The following BBS9 variants were observed in gnomAD, a reference collection of about 807,000 sequenced individuals.
The protein encoded by BBS9 is Bardet-Biedl syndrome 9, also known as protein PTHB1.
Under a neutral mutation model 117.7 loss-of-function variants are expected in BBS9, and 89 were observed. The observed-to-expected ratio is 0.76, with a 90% CI of 0.64 to 0.90. The LOEUF (loss-of-function observed/expected upper bound fraction) is 0.90. Among genes scored for constraint, BBS9 ranks in the 40% least tolerant of loss-of-function variants. The probability of loss-of-function intolerance (pLI) is 0.00; values close to 1 mark genes in which losing one functional copy is unlikely to be tolerated. For synonymous variants in BBS9, 379 were observed against 370.9 expected (o/e 1.02, Z -0.25); for missense variants, 982 against 1,042.2 (o/e 0.94, Z 0.80).
At chr7:33,614,948 AC>A (rs1205313731) in intron 21 of BBS9, among the ~76,000 whole-genome samples, 1 of 152,082 alleles carries the variant, frequency 6.6e-6, no homozygotes, top group Non-Finnish European at 1.5e-5. Context: ...AGCCTAACCA[AC>A]GTGAAAGACG....
chr7:33,548,538 C>T (rs1454136667), intron 21 of BBS9, among the ~76,000 whole-genome samples: 2 of 142,524 alleles, frequency 1.4e-5, no homozygotes, highest in Non-Finnish European at 3.0e-5. Flanking sequence ...TGATATTCCC[C>T]TTCCTGTGTC....
intron 5 of BBS9, among the ~76,000 whole-genome samples, chr7:33,222,819 G>T (rs1790508432): frequency 6.6e-6 from 1 of 151,862 alleles, no homozygotes; most frequent in Admixed American, 6.6e-5. Flanking sequence ...AGGGCGTAGT[G>T]GTGCATGCCT....
intron 9 of BBS9, among the ~76,000 whole-genome samples, chr7:33,283,331 C>T (rs1430832499): frequency 6.6e-6 from 1 of 152,186 alleles, no homozygotes; most frequent in Admixed American, 6.5e-5. Context: ...ATTACTTTTT[C>T]TGTCTGGATG....
At chr7:33,339,514 T>C (rs1355922131) in intron 10 of BBS9, among the ~76,000 whole-genome samples, 1 of 152,234 alleles carries the variant, frequency 6.6e-6, no homozygotes, top group African/African-American at 2.4e-5. Context: ...GAATGCCTGA[T>C]AGCAGTTGTA....
chr7:33,324,997 G>T (rs960490033), intron 9 of BBS9, among the ~76,000 whole-genome samples: 2 of 152,092 alleles, frequency 1.3e-5, no homozygotes, highest in Non-Finnish European at 2.9e-5. Flanking sequence ...TAACCTCCTT[G>T]TACTTGAATA....
At chr7:33,381,864 G>T (rs1043169361) in intron 17 of BBS9, among the ~76,000 whole-genome samples, 1 of 152,182 alleles carries the variant, frequency 6.6e-6, no homozygotes, top group Non-Finnish European at 1.5e-5. Context: ...GAAAGGGAAT[G>T]ACTAGGGATG....
chr7:33,450,574 G>A (rs1563193450), intron 19 of BBS9, among the ~76,000 whole-genome samples: 1 of 152,156 alleles, frequency 6.6e-6, no homozygotes, highest in Non-Finnish European at 1.5e-5. Context: ...CCTAATGGGG[G>A]TGAGGTGATA....
chr7:33,427,812 CT>C (rs1241534845), intron 19 of BBS9, among the ~76,000 whole-genome samples: 1 of 152,096 alleles, frequency 6.6e-6, no homozygotes, highest in African/African-American at 2.4e-5. Context: ...GGAGTGCTTA[CT>C]AAACACCAGC....
chr7:33,251,567 AG>A (rs1796229680), intron 5 of BBS9, among the ~76,000 whole-genome samples: 1 of 152,254 alleles, frequency 6.6e-6, no homozygotes, highest in Non-Finnish European at 1.5e-5. Context: ...TGTAAACAAA[AG>A]CAAGGAAGCA....
chr7:33,582,688 G>A (rs1463011072), intron 21 of BBS9, among the ~76,000 whole-genome samples: 1 of 152,020 alleles, frequency 6.6e-6, no homozygotes, highest in East Asian at 1.9e-4. Context: ...ATTTAGTTAG[G>A]AACATCTTAA....
intron 9 of BBS9, among the ~76,000 whole-genome samples, chr7:33,315,003 CAAT>C (rs1467234230): frequency 2.0e-5 from 3 of 152,180 alleles, no homozygotes; most frequent in Admixed American, 6.5e-5. Context: ...TAGCTTACAA[CAAT>C]GATTTATTTA....
intron 19 of BBS9, among the ~76,000 whole-genome samples, chr7:33,411,009 G>GT (rs1491287081): frequency 2.1e-4 from 19 of 91,570 alleles, no homozygotes; most frequent in Admixed American, 9.0e-4. Flanking sequence ...TAAAATGTTG[G>GT]TGTTTTTTTT....
intron 5 of BBS9, among the ~76,000 whole-genome samples, chr7:33,198,618 A>G (rs896834484): frequency 2.0e-5 from 3 of 152,000 alleles, no homozygotes; most frequent in Non-Finnish European, 2.9e-5. Context: ...CTTTCATTAT[A>G]TATCTAGCCC....
At chr7:33,460,519 A>G (rs577391138) in intron 19 of BBS9, among the ~76,000 whole-genome samples, 1 of 152,166 alleles carries the variant, frequency 6.6e-6, no homozygotes, top group South Asian at 2.1e-4. Context: ...GATTTAGACA[A>G]AATTTTATGT....
At chr7:33,155,090 T>C (rs949089402) in intron 3 of BBS9, among the ~76,000 whole-genome samples, 14 of 152,234 alleles carry the variant, frequency 9.2e-5, no homozygotes, top group African/African-American at 1.7e-4. Context: ...AGTTTATTTC[T>C]ATTTGAGATT....
intron 19 of BBS9, among the ~76,000 whole-genome samples, chr7:33,478,654 A>C (rs1202859463): frequency 6.6e-6 from 1 of 150,480 alleles, no homozygotes; most frequent in African/African-American, 2.5e-5. Flanking sequence ...ATTTGTTAGC[A>C]ATTTGTTTGT....
chr7:33,523,022 TG>T (rs1179155221), intron 20 of BBS9, among the ~76,000 whole-genome samples: 1 of 149,992 alleles, frequency 6.7e-6, no homozygotes, highest in Admixed American at 6.6e-5. Flanking sequence ...CCCCATTGCT[TG>T]TTTTTCTCAG....
chr7:33,150,449 T>C (rs189480478), intron 2 of BBS9, among the ~76,000 whole-genome samples: 36 of 152,250 alleles, frequency 2.4e-4, no homozygotes, highest in African/African-American at 8.4e-4. Flanking sequence ...TGACTAGAGA[T>C]GATAACTTGA....
chr7:33,173,680 G>T (rs1280616932), intron 4 of BBS9, among the ~76,000 whole-genome samples: 1 of 151,990 alleles, frequency 6.6e-6, no homozygotes, highest in Non-Finnish European at 1.5e-5. Context: ...CATCTTTGGT[G>T]CAGTGTTGTT....
Sources: allele counts gnomAD v4.1 joint callset (sites outside exome capture counted in the v4.1 genomes callset), GRCh38; gene constraint gnomAD v4.1.1; transcripts MANE v1.5; gene names NCBI Gene and HGNC (gene_info 2026-07-23, HGNC 2026-07-21).